ADAM32: variants seen among roughly 807,000 people sequenced by gnomAD.
The protein encoded by ADAM32 is ADAM metallopeptidase domain 32.
Under a neutral mutation model 114.9 loss-of-function variants are expected in ADAM32, and 89 were observed. That is an observed-to-expected ratio of 0.77 (90% confidence interval 0.65 to 0.92). The LOEUF is 0.92. Ranked by LOEUF, ADAM32 falls within the 40% of genes least tolerant of loss-of-function variation. ADAM32 has a pLI of 0.00. For synonymous variants in ADAM32, 285 were observed against 307.5 expected (o/e 0.93, Z 0.77); for missense variants, 870 against 932.8 (o/e 0.93, Z 0.88).
At chr8:39,266,799 A>G (rs1812388473) in intron 19 of ADAM32, among the ~76,000 whole-genome samples, 1 of 152,036 alleles carries the variant, frequency 6.6e-6, no homozygotes, top group African/African-American at 2.4e-5. Flanking sequence ...TTAATCTTTG[A>G]AATTGCTGTC....
chr8:39,151,779 T>G (rs1334684063), intron 6 of ADAM32, among the ~76,000 whole-genome samples: 1 of 148,848 alleles, frequency 6.7e-6, no homozygotes, highest in East Asian at 2.0e-4. Context: ...TCCTCCCACC[T>G]CAATCTCCTG....
At chr8:39,154,885 G>GTT (rs34798678) in intron 6 of ADAM32, among the ~76,000 whole-genome samples, 46 of 148,138 alleles carry the variant, frequency 3.1e-4, no homozygotes, top group Middle Eastern at 3.6e-3. Flanking sequence ...CTTTTTGATG[G>GTT]TTTTTTTTTT....
chr8:39,279,750 A>G (rs547599617), intron 22 of ADAM32, among the ~76,000 whole-genome samples: 3 of 151,908 alleles, frequency 2.0e-5, no homozygotes, highest in East Asian at 1.9e-4. Flanking sequence ...AAATATTTCA[A>G]TTTTGAAGAT....
At position 39,169,897 on chromosome 8, in the gene ADAM32, T is replaced by C; in HGVS notation, c.834-19T>C. 6.7e-7 allele frequency: 1 copy of C among 1,491,918 alleles called. No homozygotes were observed. Among genetic ancestry groups the C allele is most frequent in the Non-Finnish European group, 9.2e-7 (1 of 1,090,056 alleles). The allele number at this position is 1,491,918 out of a possible 1,614,324, so 92.4% of individuals were successfully genotyped here. On this transcript the variant is annotated intron_variant, in intron 9 of 24. Coordinates refer to ENST00000379907, the MANE Select transcript of ADAM32 (RefSeq NM_145004.7). Reference sequence around the variant, plus strand: ...ATTGTCTGTTAAAATCAATTATAAATGTAAATTTATTTATTTAGTTATATG... The same window carrying C: ...ATTGTCTGTTAAAATCAATTATAAACGTAAATTTATTTATTTAGTTATATG...
chr8:39,116,300 G>A (rs1417518025), intron 1 of ADAM32, among the ~76,000 whole-genome samples: 3 of 152,190 alleles, frequency 2.0e-5, no homozygotes, highest in South Asian at 2.1e-4. Context: ...GATAGAAGTA[G>A]CACTGAATCT....
chr8:39,221,647 GTGTAC>G lies in ADAM32; in HGVS notation c.1274_1278del (p.Val425GlufsTer8). The G allele has an allele frequency of 6.2e-7, 1 of 1,612,276 alleles. No homozygotes were observed. Among genetic ancestry groups the G allele is most frequent in the Non-Finnish European group, 8.5e-7 (1 of 1,178,924 alleles). ...GCAAGCTGTTGTGATTTTCGAACTTGTGTACTGAAAGACGGAGCAAAATGTTATAA... is the reference window on the plus strand; with the variant it reads ...GCAAGCTGTTGTGATTTTCGAACTTGTGAAAGACGGAGCAAAATGTTATAA... On this transcript the variant is annotated frameshift_variant, in exon 13 of 25. Coordinates refer to ENST00000379907, the MANE Select transcript of ADAM32 (RefSeq NM_145004.7). LOFTEE classifies it high-confidence loss of function.
chr8:39,241,179 T>C (rs1432760309), intron 16 of ADAM32, among the ~76,000 whole-genome samples: 1 of 152,234 alleles, frequency 6.6e-6, no homozygotes, highest in East Asian at 1.9e-4. Context: ...CAGGTCATGC[T>C]GATGCAAGAG....
At chr8:39,110,370 C>T (rs989746784) in intron 1 of ADAM32, among the ~76,000 whole-genome samples, 7 of 152,180 alleles carry the variant, frequency 4.6e-5, no homozygotes, top group Non-Finnish European at 8.8e-5. Flanking sequence ...TGCACCCGGC[C>T]GCTTTTTTAT....
chr8:39,204,378 A>G (rs1294217609), intron 11 of ADAM32, among the ~76,000 whole-genome samples: 1 of 152,262 alleles, frequency 6.6e-6, no homozygotes, highest in South Asian at 2.1e-4. Context: ...CATTTCATTC[A>G]TTTGATCTTC....
intron 11 of ADAM32, among the ~76,000 whole-genome samples, chr8:39,206,955 G>A (rs144911104): frequency 1.1e-3 from 163 of 152,154 alleles, no homozygotes; most frequent in African/African-American, 3.3e-3. Flanking sequence ...CACAAACACC[G>A]TCTGTGGAAC....
chr8:39,232,731 C>A (rs1465884726), intron 15 of ADAM32, among the ~76,000 whole-genome samples: 1 of 152,058 alleles, frequency 6.6e-6, no homozygotes, highest in East Asian at 1.9e-4. Context: ...AATTTGTGAG[C>A]TTTGACTCAG....
intron 10 of ADAM32, among the ~76,000 whole-genome samples, chr8:39,172,480 CT>C (rs1212831778): frequency 6.6e-6 from 1 of 152,160 alleles, no homozygotes; most frequent in Non-Finnish European, 1.5e-5. Flanking sequence ...GGTGCTCTCC[CT>C]TCCCTGGCCC....
intron 11 of ADAM32, among the ~76,000 whole-genome samples, chr8:39,205,348 C>T (rs368308203): frequency 3.3e-5 from 5 of 152,334 alleles, no homozygotes; most frequent in African/African-American, 1.2e-4. Context: ...CCCCCAGCCT[C>T]GCTGCCACCT....
intron 16 of ADAM32, among the ~76,000 whole-genome samples, chr8:39,239,460 A>G (rs568338418): frequency 1.3e-5 from 2 of 152,346 alleles, no homozygotes; most frequent in South Asian, 2.1e-4. Flanking sequence ...ACACCAAAAT[A>G]GAACCTCTTT....
chr8:39,154,222 A>G (rs890763960), intron 6 of ADAM32, among the ~76,000 whole-genome samples: 2 of 151,012 alleles, frequency 1.3e-5, no homozygotes, highest in Admixed American at 6.6e-5. Context: ...CCAGTGTGTG[A>G]TGTTCCCCTC....
chr8:39,177,331 A>G (rs1173795682), intron 10 of ADAM32, among the ~76,000 whole-genome samples: 1 of 152,048 alleles, frequency 6.6e-6, no homozygotes, highest in African/African-American at 2.4e-5. Flanking sequence ...AAAGTGCTTG[A>G]GTGATTACAG....
At chr8:39,256,515 C>T (rs1811657401) in intron 18 of ADAM32, among the ~76,000 whole-genome samples, 1 of 151,970 alleles carries the variant, frequency 6.6e-6, no homozygotes, top group African/African-American at 2.4e-5. Context: ...CCATTTCTGT[C>T]ATTAATTCAT....
At chr8:39,127,192 T>A (rs941373576) in intron 2 of ADAM32, among the ~76,000 whole-genome samples, 2 of 152,218 alleles carry the variant, frequency 1.3e-5, no homozygotes, top group Non-Finnish European at 2.9e-5. Context: ...ATAAAATGAG[T>A]TAGGGAGGAG....
At chr8:39,224,985 C>A (rs887094222) in intron 14 of ADAM32, among the ~76,000 whole-genome samples, 1 of 152,164 alleles carries the variant, frequency 6.6e-6, no homozygotes, top group Non-Finnish European at 1.5e-5. Flanking sequence ...TCAGCATGTG[C>A]CATTGTCATC....
Sources: gnomAD v4.1 joint callset for allele counts (sites outside exome capture counted in the v4.1 genomes callset) on GRCh38, gnomAD v4.1.1 for gene constraint, MANE v1.5 for transcripts, NCBI Gene and HGNC (gene_info 2026-07-23, HGNC 2026-07-21) for gene names.